KLHL13: variants seen among roughly 807,000 people sequenced by gnomAD.
The protein encoded by KLHL13 is kelch-like protein 13.
Under a neutral mutation model 37.1 loss-of-function variants are expected in KLHL13, and 10 were observed. The ratio of observed to expected loss-of-function variants is 0.27; its 90% CI spans 0.17 to 0.46. KLHL13 has a LOEUF of 0.46. Ranked by LOEUF, KLHL13 falls within the 20% of genes least tolerant of loss-of-function variation. The pLI is 1.00. For synonymous variants in KLHL13, 163 were observed against 181.2 expected (o/e 0.90, Z 0.81); for missense variants, 360 against 509.3 (o/e 0.71, Z 2.82).
intron 1 of KLHL13, among the ~76,000 whole-genome samples, chrX:118,032,831 T>G (rs2054375086): frequency 9.0e-6 from 1 of 111,070 alleles, no homozygotes; most frequent in Non-Finnish European, 1.9e-5. Context: ...GCAAGGAAGT[T>G]GAAAACTTTG....
At chrX:117,909,908 A>G in exon 5 of KLHL13, 1 of 1,211,741 alleles carries the variant, frequency 8.3e-7, no homozygotes, top group Non-Finnish European at 1.1e-6. Flanking sequence ...GCTCAAGTTC[A>G]GTACAGTGCT....
At chrX:118,094,912 ACT>A in intron 1 of KLHL13, among the ~76,000 whole-genome samples, 1 of 111,773 alleles carries the variant, frequency 8.9e-6, no homozygotes, top group African/African-American at 3.3e-5. Context: ...GAAAGGAACA[ACT>A]GGTACCAGCC....
intron 5 of KLHL13, among the ~76,000 whole-genome samples, chrX:117,905,824 A>C (rs1250106623): frequency 9.0e-6 from 1 of 111,134 alleles, no homozygotes; most frequent in East Asian, 2.8e-4. Flanking sequence ...AATTATATAT[A>C]CTCATACTTA....
chrX:118,020,098 C>T (rs1208027777), intron 1 of KLHL13, among the ~76,000 whole-genome samples: 1 of 110,369 alleles, frequency 9.1e-6, no homozygotes, highest in Non-Finnish European at 1.9e-5. Flanking sequence ...TGGTCATTTT[C>T]ACGATATTGA....
rs149851228 is a variant in KLHL13, at chrX:117,916,293, T to C, written c.570+3228A>G. On this transcript the variant is annotated intron_variant, in intron 4 of 6. Coordinates refer to ENST00000262820, the Ensembl canonical transcript of KLHL13. Reference sequence around the variant, plus strand: ...ATGACTAAACAAAGGCAATTTTCCATTATCTTCATAGTATATAAAAGTGGT... The same window carrying C: ...ATGACTAAACAAAGGCAATTTTCCACTATCTTCATAGTATATAAAAGTGGT... 1.5e-3 allele frequency among the ~76,000 whole-genome samples: 171 copies of C among 112,707 alleles called. 2 individuals are homozygous for C. The highest frequency in any genetic ancestry group is 5.3e-3 in the African/African-American group (166 of 31,127).
intron 1 of KLHL13, among the ~76,000 whole-genome samples, chrX:118,094,978 T>A (rs1395501179): frequency 9.0e-6 from 1 of 111,408 alleles, no homozygotes; most frequent in Admixed American, 9.6e-5. Context: ...AGAAACTGCA[T>A]CTACTAACGA....
At chrX:117,976,574 A>G (rs2053599741), upstream of KLHL13, among the ~76,000 whole-genome samples, 1 of 112,079 alleles carries the variant, frequency 8.9e-6, no homozygotes, top group African/African-American at 3.2e-5. Context: ...TATATTTTAA[A>G]TATAATTTTA....
intron 1 of KLHL13, among the ~76,000 whole-genome samples, chrX:118,111,191 A>G (rs1354556793): frequency 8.9e-6 from 1 of 112,592 alleles, no homozygotes; most frequent in Non-Finnish European, 1.9e-5. Flanking sequence ...TGTGTTTCTG[A>G]ATTTAGAAAT....
intron 1 of KLHL13, among the ~76,000 whole-genome samples, chrX:118,078,023 T>G (rs1451948102): frequency 8.9e-6 from 1 of 112,378 alleles, no homozygotes; most frequent in Non-Finnish European, 1.9e-5. Context: ...CTCTTACTCT[T>G]TCTGCAATTG....
At chrX:118,066,089 T>C (rs754950641) in intron 1 of KLHL13, among the ~76,000 whole-genome samples, 6 of 111,864 alleles carry the variant, frequency 5.4e-5, no homozygotes, top group East Asian at 2.8e-4. Context: ...TGGTGAAGAT[T>C]GTGAGTTCCA....
At chrX:117,964,421 T>C (rs894261306) in intron 1 of KLHL13, among the ~76,000 whole-genome samples, 1 of 111,979 alleles carries the variant, frequency 8.9e-6, no homozygotes, top group Non-Finnish European at 1.9e-5. Flanking sequence ...TTAAGCTATT[T>C]AATTGCTTAT....
chrX:117,902,666 C>T (rs948247110), intron 5 of KLHL13, among the ~76,000 whole-genome samples: 2 of 111,306 alleles, frequency 1.8e-5, no homozygotes, highest in Non-Finnish European at 3.8e-5. Context: ...ACTTAAGTAT[C>T]TTTCAATCAG....
intron 1 of KLHL13, among the ~76,000 whole-genome samples, chrX:118,028,780 C>A (rs1369503151): frequency 8.9e-6 from 1 of 112,000 alleles, no homozygotes; most frequent in East Asian, 2.8e-4. Flanking sequence ...GGAAAAGCAA[C>A]CAAGTGGAGT....
chrX:117,964,722 T>C (rs773173544), intron 1 of KLHL13, among the ~76,000 whole-genome samples: 1 of 111,308 alleles, frequency 9.0e-6, no homozygotes, highest in South Asian at 3.8e-4. Flanking sequence ...TATCTCCTAA[T>C]GCTATCCATC....
At position 117,934,793 on chromosome X, in the gene KLHL13, T is replaced by C. The variant is rs774603853; in HGVS notation, c.240+10641A>G. On this transcript the variant is annotated intron_variant, in intron 2 of 6. Coordinates refer to ENST00000262820, the Ensembl canonical transcript of KLHL13. ...TTCTTTTTCTTTTGTTTTGGTTTGTTTTCTTCTTTCCTGGTGACTTGGCAC... is the reference window on the plus strand; with the variant it reads ...TTCTTTTTCTTTTGTTTTGGTTTGTCTTCTTCTTTCCTGGTGACTTGGCAC... Among the ~76,000 whole-genome samples, 3 of 110,870 alleles carry C rather than the reference T, an allele frequency of 2.7e-5. No individual in the cohort carries two copies. In the South Asian group the frequency reaches 1.1e-3, roughly 42 times the overall value.
chrX:118,059,458 C>A lies in KLHL13; in HGVS notation c.-56+57050G>T, dbSNP rs2054718344. On this transcript the variant is annotated intron_variant, in intron 1 of 6. Transcript: ENST00000371882. ...ATATCAATCATCTTAACCCTGCTAT[C>A]AACGTATAAGGGAGCACAGTCAATG... Among the ~76,000 whole-genome samples the A allele has an allele frequency of 9.0e-5, 10 of 111,268 alleles. 1 individual carries two copies. In the Admixed American group the frequency reaches 9.6e-4, roughly 11 times the overall value.
At chrX:117,968,917 T>C (rs756895704) in intron 1 of KLHL13, among the ~76,000 whole-genome samples, 3 of 111,806 alleles carry the variant, frequency 2.7e-5, no homozygotes, top group Non-Finnish European at 5.7e-5. Flanking sequence ...CAATATTTTC[T>C]CAGGAAATGC....
intron 2 of KLHL13, among the ~76,000 whole-genome samples, chrX:117,930,242 G>A (rs5011167): frequency 0.076 from 4,779 of 62,514 alleles, 385 homozygotes; most frequent in African/African-American, 0.21. Flanking sequence ...GGAAGGAAGG[G>A]AGGAAGGAAG....
chrX:118,019,549 A>G (rs1437203648), intron 1 of KLHL13, among the ~76,000 whole-genome samples: 2 of 111,135 alleles, frequency 1.8e-5, no homozygotes, highest in Admixed American at 1.9e-4. Context: ...TTGGTGTTTT[A>G]GACATGAAGT....
Sources: allele counts gnomAD v4.1 joint callset (sites outside exome capture counted in the v4.1 genomes callset), GRCh38; gene constraint gnomAD v4.1.1; transcripts MANE v1.5; gene names NCBI Gene and HGNC (gene_info 2026-07-23, HGNC 2026-07-21).